Variants in UBE2G2 observed in about 807,000 individuals in gnomAD.
UBE2G2 encodes the protein ubiquitin-conjugating enzyme E2 G2.
Under a neutral mutation model 23.0 loss-of-function variants are expected in UBE2G2, and 10 were observed. That is an observed-to-expected ratio of 0.43 (90% CI 0.27 to 0.74). The LOEUF (loss-of-function observed/expected upper bound fraction) is 0.74, where lower values mean the gene tolerates loss of function less well. Among genes scored for constraint, UBE2G2 ranks in the 30% least tolerant of loss-of-function variants. The probability of loss-of-function intolerance (pLI) is 0.19; values close to 1 mark genes in which losing one functional copy is unlikely to be tolerated. For missense variants in UBE2G2, 150 were observed against 218.3 expected, an observed-to-expected ratio of 0.69 and a Z score of 1.97; for synonymous variants, 86 against 81.3, an observed-to-expected ratio of 1.06 and a Z score of -0.31.
intron 1 of UBE2G2, chr21:44,800,876 C>T (rs1157475887): frequency 6.6e-6 from 1 of 152,214 alleles, no homozygotes; most frequent in Non-Finnish European, 1.5e-5. Flanking sequence ...AAGCACTTCA[C>T]CTGCAGTATC....
intron 1 of UBE2G2, among the ~76,000 whole-genome samples, chr21:44,797,900 C>G (rs1158728549): frequency 6.6e-6 from 1 of 152,020 alleles, no homozygotes; most frequent in Non-Finnish European, 1.5e-5. Context: ...AAGTAATAGT[C>G]CCCCACATCC....
intron 1 of UBE2G2, among the ~76,000 whole-genome samples, chr21:44,794,116 G>A (rs2083066784): frequency 6.6e-6 from 1 of 152,200 alleles, no homozygotes; most frequent in African/African-American, 2.4e-5. Context: ...CTTTTAAGAA[G>A]AGATGAGGAC....
intron 3 of UBE2G2, among the ~76,000 whole-genome samples, chr21:44,784,253 C>T (rs975297191): frequency 7.9e-5 from 12 of 152,038 alleles, no homozygotes; most frequent in Admixed American, 4.6e-4. Context: ...GACGGACAGA[C>T]GGTTCCAGAC....
chr21:44,784,917 G>A (rs1031935949), intron 3 of UBE2G2, among the ~76,000 whole-genome samples: 4 of 152,178 alleles, frequency 2.6e-5, no homozygotes, highest in South Asian at 4.1e-4. Context: ...AGGACAGCAA[G>A]CGCCAAGGGA....
chr21:44,795,201 T>C (rs2083076785), intron 1 of UBE2G2, among the ~76,000 whole-genome samples: 1 of 152,026 alleles, frequency 6.6e-6, no homozygotes, highest in African/African-American at 2.4e-5. Flanking sequence ...AGGCAGATGT[T>C]GCAGTGAGCT....
At chr21:44,792,076 G>A (rs553615867) in intron 1 of UBE2G2, among the ~76,000 whole-genome samples, 2 of 152,338 alleles carry the variant, frequency 1.3e-5, no homozygotes, top group East Asian at 3.9e-4. Flanking sequence ...GGTAATGGGA[G>A]TATTTATCCA....
intron 4 of UBE2G2, chr21:44,773,895 C>T: frequency 1.7e-6 from 1 of 585,586 alleles, no homozygotes; most frequent in South Asian, 2.7e-5. Context: ...TGACAGGCTC[C>T]AGGCTGACCC....
chr21:44,775,722 G>A (rs2082908202), intron 4 of UBE2G2, among the ~76,000 whole-genome samples: 1 of 152,166 alleles, frequency 6.6e-6, no homozygotes, highest in South Asian at 2.1e-4. Context: ...TACAATCTTA[G>A]TATTTTAATT....
chr21:44,781,764 G>A (rs140373629), intron 3 of UBE2G2, among the ~76,000 whole-genome samples: 6 of 152,232 alleles, frequency 3.9e-5, no homozygotes, highest in African/African-American at 1.4e-4. Context: ...CACCCCAGGC[G>A]ATACTCAGGT....
chr21:44,789,665 T>TA (rs782433865), intron 1 of UBE2G2, among the ~76,000 whole-genome samples: 32 of 151,676 alleles, frequency 2.1e-4, no homozygotes, highest in Non-Finnish European at 3.2e-4. Context: ...ACACCACATA[T>TA]AAAAATCAAA....
At position 44,787,946 on chromosome 21, in the gene UBE2G2, G is replaced by A; in HGVS notation, c.99C>T (p.Asn33=). Residue 33 remains asparagine (N), a synonymous_variant, in exon 3 of 6, where the codon AAC becomes AAT. Coordinates refer to ENST00000345496, the MANE Select transcript of UBE2G2 (RefSeq NM_003343.6). Reference sequence around the variant, plus strand: ...TGATCAATGCCTCCCATTCAAAAAAGTTCTCTTCATTCATGGGGCCTGTAG... The same window carrying A: ...TGATCAATGCCTCCCATTCAAAAAAATTCTCTTCATTCATGGGGCCTGTAG... The part of the protein sequence containing the change: ...GIVAGPMNEE[N]FFEWEALIMG... 2 of 1,613,920 alleles carry A rather than the reference G, an allele frequency of 1.2e-6. No individual in the cohort carries two copies. Among genetic ancestry groups the A allele is most frequent in the Non-Finnish European group, 1.7e-6 (2 of 1,179,976 alleles).
intron 1 of UBE2G2, among the ~76,000 whole-genome samples, chr21:44,794,046 A>AAAT (rs34632868): frequency 6.6e-6 from 1 of 151,958 alleles, no homozygotes; most frequent in Non-Finnish European, 1.5e-5. Context: ...AGGGCCTTTA[A>AAAT]GAGGTAATTA....
intron 3 of UBE2G2, among the ~76,000 whole-genome samples, chr21:44,781,304 G>T (rs1173329110): frequency 6.6e-6 from 1 of 152,158 alleles, no homozygotes; most frequent in Non-Finnish European, 1.5e-5. Flanking sequence ...ATCGACAGAG[G>T]GCACCCAGCA....
In UBE2G2 at chr21:44,777,305, G is replaced by A. The variant is rs2082920499; in HGVS notation, c.238C>T (p.Pro80Ser). 1 of 1,613,648 alleles carries A rather than the reference G, an allele frequency of 6.2e-7. No individual in the cohort carries two copies. Among genetic ancestry groups the A allele is most frequent in the South Asian group, 1.1e-5 (1 of 91,066 alleles). ...TACTTCCAAAAGCACTTACTGTTGG[G>A]ATGAAACATCTCACAGGTAAATCTC... ...KMRFTCEMFH[P>S]NIYPDGRVCI... The change falls in exon 4 of 6, where the codon CCC becomes TCC. Residue 80 changes from proline (P) to serine (S), a missense_variant. Transcript: ENST00000345496.
In UBE2G2 at chr21:44,788,048, T is replaced by C. The variant is rs782013943; in HGVS notation, c.79+12A>G. The C allele has an allele frequency of 2.5e-5, 41 of 1,611,970 alleles. No individual in the cohort carries two copies. Among genetic ancestry groups the C allele is most frequent in the Non-Finnish European group, 3.4e-5 (40 of 1,179,200 alleles). Reference sequence around the variant, plus strand: ...AAAGTAAATTATAAGGAAGTTAACTTTGGTACCTTACCTGCTACAATTCCT... The same window carrying C: ...AAAGTAAATTATAAGGAAGTTAACTCTGGTACCTTACCTGCTACAATTCCT... On this transcript the variant is annotated intron_variant, in intron 2 of 5. Transcript: ENST00000345496.
intron 1 of UBE2G2, among the ~76,000 whole-genome samples, chr21:44,797,592 G>A (rs1156413825): frequency 1.3e-5 from 2 of 151,940 alleles, no homozygotes; most frequent in Non-Finnish European, 2.9e-5. Context: ...GCGCGCGCCT[G>A]TAGTCCCAGC....
intron 3 of UBE2G2, among the ~76,000 whole-genome samples, chr21:44,787,055 G>A (rs577624797): frequency 1.5e-4 from 22 of 149,854 alleles, no homozygotes; most frequent in African/African-American, 2.0e-4. Flanking sequence ...TTGTGCCACC[G>A]CACTCCAGCC....
chr21:44,779,511 C>G (rs921570856), intron 3 of UBE2G2, among the ~76,000 whole-genome samples: 2 of 151,908 alleles, frequency 1.3e-5, no homozygotes, highest in Non-Finnish European at 2.9e-5. Flanking sequence ...ATGAGTACCC[C>G]CCCCGGCCCA....
At chr21:44,797,740 A>AAAAAAAAAAAAAG (rs781868771) in intron 1 of UBE2G2, among the ~76,000 whole-genome samples, 3 of 114,384 alleles carry the variant, frequency 2.6e-5, no homozygotes, top group African/African-American at 6.4e-5. Context: ...AAAAAAAAAA[A>AAAAAAAAAAAAAG]AGAGAAAATA....
Sources: gnomAD v4.1 joint callset for allele counts (sites outside exome capture counted in the v4.1 genomes callset) on GRCh38, gnomAD v4.1.1 for gene constraint, MANE v1.5 for transcripts, NCBI Gene and HGNC (gene_info 2026-07-23, HGNC 2026-07-21) for gene names.